C21orf91: variants seen among roughly 807,000 people sequenced by gnomAD.
C21orf91 encodes protein EURL homolog.
C21orf91 carries 26 observed loss-of-function variants against 32.9 expected under a neutral mutation model. The observed-to-expected ratio is 0.79, with a 90% CI of 0.58 to 1.10. The LOEUF (loss-of-function observed/expected upper bound fraction) is 1.10. C21orf91 is among the 50% of genes least tolerant of loss of function. The pLI is 0.00. For synonymous variants in C21orf91, 126 were observed against 120.4 expected (o/e 1.05, Z -0.31); for missense variants, 310 against 341.3 (o/e 0.91, Z 0.72).
In C21orf91 at chr21:17,801,481, A is replaced by G. The variant is rs1451369853; in HGVS notation, c.128-4363T>C. Among the ~76,000 whole-genome samples the G allele has an allele frequency of 5.3e-5, 8 of 152,206 alleles. No homozygotes were observed. The East Asian group carries it at 1.2e-3, about 22-fold the overall frequency. On this transcript the variant is annotated intron_variant, in intron 2 of 4. Transcript: ENST00000284881. ...GAGACGGGGTTTCACCGTGTTAGCC[A>G]GGATGGTCTCGATCTCCTGACCTTG...
At chr21:17,810,770 T>C (rs993574413) in intron 2 of C21orf91, 58 of 152,254 alleles carry the variant, frequency 3.8e-4, no homozygotes, top group African/African-American at 1.4e-3. Flanking sequence ...AAGACTGTCT[T>C]GTGTGTGTCC....
Position 17,818,292 on chromosome 21 carries a change from GT to G in C21orf91, c.26del (p.Asn9ThrfsTer4). On this transcript the variant is annotated frameshift_variant, in exon 2 of 5. Transcript: ENST00000284881. LOFTEE classifies it high-confidence loss of function. ...AAATGTTGTCATCATTCAAATCAAT[GT>G]TTACAAACTGCTCCTCTTCGTTCAT... The part of the protein sequence containing the change: MNEEEQFV[N>X]IDLNDDNICS... 3 of 1,612,314 alleles carry G rather than the reference GT, an allele frequency of 1.9e-6. No individual in the cohort carries two copies. The highest frequency in any genetic ancestry group is 2.5e-6 in the Non-Finnish European group (3 of 1,178,922).
chr21:17,803,893 C>A (rs2062578695), intron 2 of C21orf91, among the ~76,000 whole-genome samples: 1 of 152,062 alleles, frequency 6.6e-6, no homozygotes, highest in Non-Finnish European at 1.5e-5. Context: ...TTTGTTTAGC[C>A]CACAAATATT....
In C21orf91 at chr21:17,797,119, C is replaced by A; in HGVS notation, c.128-1G>T. 1 of 1,548,816 alleles carries A rather than the reference C, an allele frequency of 6.5e-7. No individual in the cohort carries two copies. Among genetic ancestry groups the A allele is most frequent in the Non-Finnish European group, 8.7e-7 (1 of 1,151,294 alleles). ...TGCAAGAGATCAGACTTTGGTACCCCTATGGAAAAAAAAGAGAAACAAAAG... is the reference window on the plus strand; with the variant it reads ...TGCAAGAGATCAGACTTTGGTACCCATATGGAAAAAAAAGAGAAACAAAAG... On this transcript the variant is annotated splice_acceptor_variant, in intron 2 of 4. Transcript: ENST00000284881. LOFTEE classifies it high-confidence loss of function.
intron 4 of C21orf91, 104 bp downstream of exon 4, chr21:17,795,104 C>A: frequency 1.3e-6 from 1 of 789,942 alleles, no homozygotes; most frequent in Non-Finnish European, 2.3e-6. Flanking sequence ...TTGAATATCT[C>A]ATTTCCAAAT....
intron 2 of C21orf91, among the ~76,000 whole-genome samples, chr21:17,813,409 A>G (rs2062645695): frequency 6.6e-6 from 1 of 152,228 alleles, no homozygotes; most frequent in African/African-American, 2.4e-5. Context: ...TTAAACATAG[A>G]CACTAATTCA....
At chr21:17,800,883 A>T (rs1234690977) in intron 2 of C21orf91, among the ~76,000 whole-genome samples, 1 of 152,042 alleles carries the variant, frequency 6.6e-6, no homozygotes, top group Non-Finnish European at 1.5e-5. Flanking sequence ...ATTTTTTTTT[A>T]AAGTATGGGT....
intron 2 of C21orf91, among the ~76,000 whole-genome samples, chr21:17,800,674 T>C (rs2062553045): frequency 6.6e-6 from 1 of 152,236 alleles, no homozygotes; most frequent in South Asian, 2.1e-4. Flanking sequence ...AGCTGAGTTA[T>C]AATAATTTCC....
chr21:17,807,509 C>T (rs1483085101), intron 2 of C21orf91, among the ~76,000 whole-genome samples: 1 of 152,142 alleles, frequency 6.6e-6, no homozygotes, highest in East Asian at 1.9e-4. Context: ...AATGTGGAAG[C>T]GACTTTGTAA....
rs191714663 is a variant in C21orf91, at chr21:17,789,224, T to G, written c.*4191A>C. ...CCAGAGAGATTAAGTTCAATGACCA[T>G]AGTATACGCTACTGTTTTAAAGCAA... On this transcript the variant is annotated 3_prime_UTR_variant, in exon 5 of 5. Coordinates refer to ENST00000284881, the MANE Select transcript of C21orf91 (RefSeq NM_001100420.2). 1 of 149,946 alleles carries G rather than the reference T, an allele frequency of 6.7e-6. No individual in the cohort carries two copies. The highest frequency in any genetic ancestry group is 2.5e-5 in the African/African-American group (1 of 40,366). 9.3% of individuals were successfully genotyped at this position (149,946 alleles called of 1,614,324 possible).
At chr21:17,818,414 G>A (rs1185804570) in intron 1 of C21orf91, 89 bp from the exon 2 acceptor site, 1 of 1,074,764 alleles carries the variant, frequency 9.3e-7, no homozygotes, top group Non-Finnish European at 1.4e-6. Flanking sequence ...AGGAAATAAG[G>A]ATGCTGTTCA....
chr21:17,792,562 T>A lies in C21orf91; in HGVS notation c.*853A>T, dbSNP rs987107172. 6.6e-6 allele frequency: 1 copy of A among 152,182 alleles called. No homozygotes were observed. The highest frequency in any genetic ancestry group is 6.5e-5 in the Admixed American group (1 of 15,270). 9.4% of individuals were successfully genotyped at this position (152,182 alleles called of 1,614,324 possible). The stretch of plus-strand genomic sequence containing the variant: ...TTTGAATTGGAAGTGAGGCTTGACT[T>A]ACTCTGTCCAAATTCTAATGCATCA... On this transcript the variant is annotated 3_prime_UTR_variant, in exon 5 of 5. Transcript: ENST00000284881.
chr21:17,793,501 C>T lies in C21orf91; in HGVS notation c.808G>A (p.Glu270Lys), dbSNP rs75916355. The T allele has an allele frequency of 2.2e-4, 351 of 1,613,682 alleles. 1 individual carries two copies. Among genetic ancestry groups the T allele is most frequent in the Non-Finnish European group, 2.9e-4 (339 of 1,179,738 alleles). The change falls in exon 5 of 5, where the codon GAA (glutamate) becomes AAA (lysine). Residue 270 changes from glutamate (E) to lysine (K), a missense_variant. Glu to Lys is a moderately conservative substitution (Grantham distance 56). Transcript: ENST00000284881. The part of the protein sequence containing the change: ...SQLHVRHVAI[E>K]QLLKNCSKLP... ...TTAGAACAGTTCTTCAGAAGCTGTT[C>T]GATGGCAACGTGGCGGACATGGAGC...
In C21orf91 at chr21:17,788,989, T is replaced by C. The variant is rs2062449524; in HGVS notation, c.*4426A>G. 1 of 152,160 alleles carries C rather than the reference T, an allele frequency of 6.6e-6. No homozygotes were observed. The highest frequency in any genetic ancestry group is 2.4e-5 in the African/African-American group (1 of 41,420). 9.4% of individuals were successfully genotyped at this position (152,160 alleles called of 1,614,324 possible). On this transcript the variant is annotated 3_prime_UTR_variant, in exon 5 of 5. Coordinates refer to ENST00000284881, the MANE Select transcript of C21orf91 (RefSeq NM_001100420.2). ...AGCTAGCAGATAACAAAATACTTAT[T>C]TTATTGTTGTAAAATTAAAAATAGT...
chr21:17,808,633 T>A (rs909648717), intron 2 of C21orf91, among the ~76,000 whole-genome samples: 19 of 152,142 alleles, frequency 1.2e-4, no homozygotes, highest in African/African-American at 4.3e-4. Flanking sequence ...ATCTTGGAAG[T>A]AACTAACTTG....
chr21:17,798,229 C>T (rs2062534318), intron 2 of C21orf91, among the ~76,000 whole-genome samples: 1 of 152,058 alleles, frequency 6.6e-6, no homozygotes, highest in South Asian at 2.1e-4. Context: ...AAATTGAACT[C>T]ATAGTTATTT....
At chr21:17,810,114 T>C (rs956647580) in intron 2 of C21orf91, among the ~76,000 whole-genome samples, 1 of 152,184 alleles carries the variant, frequency 6.6e-6, no homozygotes, top group Non-Finnish European at 1.5e-5. Context: ...AGAACTGTGG[T>C]TAACATTTTG....
intron 2 of C21orf91, chr21:17,810,712 C>G (rs1264719965): frequency 6.6e-6 from 1 of 152,262 alleles, no homozygotes; most frequent in Admixed American, 6.5e-5. Flanking sequence ...ATCACTGTTT[C>G]ATTACCAGCT....
chr21:17,799,304 AT>A (rs1287140476), intron 2 of C21orf91, among the ~76,000 whole-genome samples: 1 of 152,074 alleles, frequency 6.6e-6, no homozygotes, highest in Non-Finnish European at 1.5e-5. Flanking sequence ...CTTCTTAATG[AT>A]TCATATAATA....
Sources: gnomAD v4.1 joint callset for allele counts (sites outside exome capture counted in the v4.1 genomes callset) on GRCh38, gnomAD v4.1.1 for gene constraint, MANE v1.5 for transcripts, NCBI Gene and HGNC (gene_info 2026-07-23, HGNC 2026-07-21) for gene names.